HTRA3: variants seen among roughly 807,000 people sequenced by gnomAD.
The protein encoded by HTRA3 is serine protease HTRA3.
HTRA3 carries 41 observed loss-of-function variants against 43.2 expected under a neutral mutation model. That is an observed-to-expected ratio of 0.95 (90% CI 0.74 to 1.23). The LOEUF (loss-of-function observed/expected upper bound fraction) is 1.23, where lower values mean the gene tolerates loss of function less well. HTRA3 is among the 50% of genes most tolerant of loss of function. The pLI is 0.00. For missense variants in HTRA3, 628 were observed against 647.1 expected (o/e 0.97, Z 0.32); for synonymous variants, 295 against 287.9 (o/e 1.02, Z -0.25).
At chr4:8,277,077 C>G (rs55771022) in intron 1 of HTRA3, among the ~76,000 whole-genome samples, 1 of 152,066 alleles carries the variant, frequency 6.6e-6, no homozygotes, top group Non-Finnish European at 1.5e-5. Flanking sequence ...GCCCTCATCC[C>G]GCCTGCGTTC....
In HTRA3 at chr4:8,292,602, C is replaced by A. The variant is rs141608184; in HGVS notation, c.936+249C>A. On this transcript the variant is annotated intron_variant, in intron 5 of 8. Coordinates refer to ENST00000307358, the MANE Select transcript of HTRA3 (RefSeq NM_053044.5). ...CAGCAGCTCAGTCCAGGGCCATGTG[C>A]CTGTCAGGGGAGCTGGGGCAAGGGA... 8.9e-4 allele frequency among the ~76,000 whole-genome samples: 136 copies of A among 152,322 alleles called. 2 individuals are homozygous for A. The East Asian group carries it at 0.026, about 29-fold the overall frequency.
At chr4:8,300,043 T>C (rs1457699995) in intron 6 of HTRA3, among the ~76,000 whole-genome samples, 2 of 152,208 alleles carry the variant, frequency 1.3e-5, no homozygotes, top group Non-Finnish European at 2.9e-5. Context: ...TTTCACCATG[T>C]TGGCCAGGCT....
chr4:8,292,265 T>A, intron 4 of HTRA3, 56 bp from the exon 5 acceptor site: 1 of 1,546,242 alleles, frequency 6.5e-7, no homozygotes, highest in Non-Finnish European at 8.9e-7. Flanking sequence ...GAGAAGGGGC[T>A]CCAGGAAGCC....
At chr4:8,273,432 T>C (rs1429448181) in intron 1 of HTRA3, among the ~76,000 whole-genome samples, 1 of 152,110 alleles carries the variant, frequency 6.6e-6, no homozygotes, top group East Asian at 1.9e-4. Context: ...CTGAGGTTCC[T>C]TGTGCTCTCC....
intron 6 of HTRA3, among the ~76,000 whole-genome samples, chr4:8,301,509 CTTTA>C (rs1342664418): frequency 1.3e-5 from 2 of 152,120 alleles, no homozygotes; most frequent in African/African-American, 4.8e-5. Flanking sequence ...ACACTCTCAG[CTTTA>C]TTATTAATTC....
At chr4:8,301,208 TTTA>T (rs1410835586) in intron 6 of HTRA3, among the ~76,000 whole-genome samples, 35 of 151,958 alleles carry the variant, frequency 2.3e-4, no homozygotes, top group African/African-American at 6.0e-4. Flanking sequence ...CACTCTCAGC[TTTA>T]TTATTGATTC....
chr4:8,285,403 T>C (rs952577799), intron 2 of HTRA3, among the ~76,000 whole-genome samples: 1 of 152,190 alleles, frequency 6.6e-6, no homozygotes, highest in Admixed American at 6.5e-5. Flanking sequence ...GCTCCTGTAC[T>C]TTGCAGAGAC....
In HTRA3 at chr4:8,296,900, T is replaced by C. The variant is rs551093737; in HGVS notation, c.1051+2699T>C. Among the ~76,000 whole-genome samples the C allele has an allele frequency of 2.0e-5, 3 of 152,178 alleles. No individual in the cohort carries two copies. In the South Asian group the frequency reaches 6.2e-4, roughly 32 times the overall value. On this transcript the variant is annotated intron_variant, in intron 6 of 8. Coordinates refer to ENST00000307358, the MANE Select transcript of HTRA3 (RefSeq NM_053044.5). The surrounding 1 kb of genome is among the most constrained non-coding windows in gnomAD (Gnocchi z 5.3). Reference sequence around the variant, plus strand: ...TCCCTGGTCTCAGACATCACAGAGTTCCCAGATCTCTGACATCACAGGATT... The same window carrying C: ...TCCCTGGTCTCAGACATCACAGAGTCCCCAGATCTCTGACATCACAGGATT...
chr4:8,273,338 T>A (rs1398963785), intron 1 of HTRA3, among the ~76,000 whole-genome samples: 1 of 152,148 alleles, frequency 6.6e-6, no homozygotes, highest in East Asian at 1.9e-4. Flanking sequence ...AGTTGCTGGG[T>A]GCCGGTCACA....
chr4:8,292,653 C>T (rs1427455701), intron 5 of HTRA3, among the ~76,000 whole-genome samples: 1 of 152,242 alleles, frequency 6.6e-6, no homozygotes, highest in Admixed American at 6.5e-5. Context: ...CTGCTCACCT[C>T]AGCCCTCCCT....
chr4:8,300,373 T>A (rs1713593556), intron 6 of HTRA3, among the ~76,000 whole-genome samples: 1 of 152,220 alleles, frequency 6.6e-6, no homozygotes, highest in South Asian at 2.1e-4. Flanking sequence ...TGAAGTTTTT[T>A]TTTGTAGGAA....
chr4:8,305,156 A>G (rs1030071648), intron 8 of HTRA3, among the ~76,000 whole-genome samples: 1 of 152,154 alleles, frequency 6.6e-6, no homozygotes, highest in Admixed American at 6.5e-5. Context: ...AAATCCACAT[A>G]TAAGTGGACC....
Position 8,295,605 on chromosome 4 carries a change from C to T in HTRA3, c.1051+1404C>T. On this transcript the variant is annotated intron_variant, in intron 6 of 8. Coordinates refer to ENST00000307358, the MANE Select transcript of HTRA3 (RefSeq NM_053044.5). This position sits in a 1 kb window ranked among gnomAD's most constrained non-coding sequence, Gnocchi z 6.9. ...AGCCCTAGTGAGCTTCTCCCTCCTG[C>T]CATTGTGTCTCCTGTGCCCACCTCC... is the stretch of plus-strand genomic sequence containing the variant. 2 of 952,616 alleles carry T rather than the reference C, an allele frequency of 2.1e-6. No individual in the cohort carries two copies. The highest frequency in any genetic ancestry group is 3.0e-5 in the South Asian group (1 of 33,434). The allele number at this position is 952,616 out of a possible 1,614,324, so 59.0% of individuals were successfully genotyped here. A position where few individuals can be genotyped will look rare whatever the true frequency, so the allele number is the denominator to read the frequency against.
chr4:8,274,465 C>T (rs9995271), intron 1 of HTRA3, among the ~76,000 whole-genome samples: 6,419 of 152,338 alleles, frequency 0.042, 476 homozygotes, highest in African/African-American at 0.14. Flanking sequence ...GAAGCCTCGC[C>T]GGGCAGGGGC....
intron 2 of HTRA3, among the ~76,000 whole-genome samples, 162 bp downstream of exon 2, chr4:8,282,698 C>G (rs1712803585): frequency 6.6e-6 from 1 of 152,204 alleles, no homozygotes; most frequent in South Asian, 2.1e-4. Flanking sequence ...TGCCTGTGTG[C>G]CCCTGGGGAA....
rs540357356 is a variant in HTRA3, at chr4:8,279,455, T to C, written c.386-2982T>C. Reference sequence around the variant, plus strand: ...GTCCTTCCGGTGGAGGCCGCAGTGCTGTGCAGATCTTCAGGCTGCCGCGTC... The same window carrying C: ...GTCCTTCCGGTGGAGGCCGCAGTGCCGTGCAGATCTTCAGGCTGCCGCGTC... On this transcript the variant is annotated intron_variant, in intron 1 of 8. Transcript: ENST00000307358. The surrounding 1 kb of genome is among the most constrained non-coding windows in gnomAD (Gnocchi z 7.4). Among the ~76,000 whole-genome samples the C allele has an allele frequency of 6.6e-6, 1 of 152,312 alleles. No homozygotes were observed. Among genetic ancestry groups the C allele is most frequent in the South Asian group, 2.1e-4 (1 of 4,824 alleles).
At chr4:8,285,404 T>C (rs1232402958) in intron 2 of HTRA3, among the ~76,000 whole-genome samples, 3 of 152,212 alleles carry the variant, frequency 2.0e-5, no homozygotes, top group African/African-American at 7.2e-5. Flanking sequence ...CTCCTGTACT[T>C]TGCAGAGACT....
rs1713422081 is a variant in HTRA3 at position 8,295,453 on chromosome 4, A to C, written c.1051+1252A>C. Reference sequence around the variant, plus strand: ...GAGAGGCCTCGCCAGGGCACTAGGCAACTCTCCCAAGTGAGAGCATGCCCA... The same window carrying C: ...GAGAGGCCTCGCCAGGGCACTAGGCCACTCTCCCAAGTGAGAGCATGCCCA... On this transcript the variant is annotated intron_variant, in intron 6 of 8. Coordinates refer to ENST00000307358, the MANE Select transcript of HTRA3 (RefSeq NM_053044.5). This position sits in a 1 kb window ranked among gnomAD's most constrained non-coding sequence, Gnocchi z 6.9. 6.6e-6 allele frequency among the ~76,000 whole-genome samples: 1 copy of C among 151,278 alleles called. No individual in the cohort carries two copies. Among genetic ancestry groups the C allele is most frequent in the Admixed American group, 6.6e-5 (1 of 15,210 alleles).
chr4:8,287,840 C>T (rs931353429), intron 3 of HTRA3, among the ~76,000 whole-genome samples: 2 of 152,204 alleles, frequency 1.3e-5, no homozygotes, highest in Non-Finnish European at 2.9e-5. Flanking sequence ...AGGGCTGGCC[C>T]GCTCAGCTAG....
Sources: gnomAD v4.1 joint callset for allele counts (sites outside exome capture counted in the v4.1 genomes callset) on GRCh38, gnomAD v4.1.1 for gene constraint, Gnocchi (gnomAD v3.1) non-coding constraint, MANE v1.5 for transcripts, NCBI Gene and HGNC (gene_info 2026-07-23, HGNC 2026-07-21) for gene names.